GPC5: variants seen among roughly 807,000 people sequenced by gnomAD.
The protein encoded by GPC5 is glypican-5.
GPC5 carries 47 observed loss-of-function variants against 53.9 expected under a neutral mutation model. The ratio of observed to expected loss-of-function variants is 0.87; its 90% confidence interval spans 0.69 to 1.11. GPC5 has a LOEUF of 1.11. Ranked by LOEUF, GPC5 falls within the 50% of genes most tolerant of loss-of-function variation. The pLI, the probability that GPC5 is intolerant of heterozygous loss-of-function variation, is 0.00. For missense variants in GPC5, 748 were observed against 713.1 expected, an observed-to-expected ratio of 1.05 and a Z score of -0.56; for synonymous variants, 286 against 263.3, an observed-to-expected ratio of 1.09 and a Z score of -0.84.
intron 2 of GPC5, among the ~76,000 whole-genome samples, chr13:91,592,564 C>G (rs1294528432): frequency 6.6e-6 from 1 of 152,156 alleles, no homozygotes; most frequent in Non-Finnish European, 1.5e-5. Flanking sequence ...GCATCTCACC[C>G]CCTTCATGCT....
intron 7 of GPC5, among the ~76,000 whole-genome samples, chr13:92,773,997 AG>A (rs1875703860): frequency 6.6e-6 from 1 of 152,220 alleles, no homozygotes; most frequent in Non-Finnish European, 1.5e-5. Context: ...TAAAACCATC[AG>A]ATCTCATGAG....
chr13:92,227,598 G>T (rs114903585), intron 7 of GPC5, among the ~76,000 whole-genome samples: 1 of 152,186 alleles, frequency 6.6e-6, no homozygotes, highest in East Asian at 1.9e-4. Context: ...ACAGAAAAAC[G>T]AAACTTGGTA....
At chr13:92,598,929 C>T (rs753966946) in intron 7 of GPC5, among the ~76,000 whole-genome samples, 2 of 152,108 alleles carry the variant, frequency 1.3e-5, no homozygotes. Flanking sequence ...CTGTCTGAAA[C>T]AAACAAACAA....
intron 7 of GPC5, among the ~76,000 whole-genome samples, chr13:92,324,912 C>A (rs916967849): frequency 6.6e-6 from 1 of 151,644 alleles, no homozygotes; most frequent in Non-Finnish European, 1.5e-5. Flanking sequence ...TTGGCACCCC[C>A]AAAATACTTA....
chr13:91,813,755 CTAAT>C (rs949627620), intron 5 of GPC5, among the ~76,000 whole-genome samples: 3 of 151,916 alleles, frequency 2.0e-5, no homozygotes, highest in Non-Finnish European at 2.9e-5. Context: ...TGGAAATAAC[CTAAT>C]TAGTTTAGAA....
intron 7 of GPC5, among the ~76,000 whole-genome samples, chr13:92,727,261 G>T (rs1888673916): frequency 6.6e-6 from 1 of 151,384 alleles, no homozygotes; most frequent in African/African-American, 2.4e-5. Context: ...CATTTATTTT[G>T]CTGTGTAAAC....
chr13:92,777,451 G>GAGACA (rs1416479925), intron 7 of GPC5, among the ~76,000 whole-genome samples: 3 of 151,726 alleles, frequency 2.0e-5, no homozygotes, highest in African/African-American at 7.3e-5. Context: ...TGGCCATCAT[G>GAGACA]GTAAAACCCT....
chr13:92,379,690 C>A (rs2043723483), intron 7 of GPC5, among the ~76,000 whole-genome samples: 1 of 151,688 alleles, frequency 6.6e-6, no homozygotes, highest in Non-Finnish European at 1.5e-5. Context: ...CTCTGTGCCC[C>A]CTGCATATTT....
chr13:92,008,585 A>T (rs2138769323), intron 6 of GPC5, among the ~76,000 whole-genome samples: 1 of 152,192 alleles, frequency 6.6e-6, no homozygotes, highest in South Asian at 2.1e-4. Flanking sequence ...GTTTAGCTGG[A>T]TATAGAATTC....
At chr13:92,396,342 C>T (rs1875268955) in intron 7 of GPC5, among the ~76,000 whole-genome samples, 1 of 152,048 alleles carries the variant, frequency 6.6e-6, no homozygotes, top group African/African-American at 2.4e-5. Context: ...CTTAGAGTTT[C>T]CATCTCTTTT....
At chr13:91,547,132 A>G (rs1411141975) in intron 2 of GPC5, among the ~76,000 whole-genome samples, 1 of 152,100 alleles carries the variant, frequency 6.6e-6, no homozygotes, top group Non-Finnish European at 1.5e-5. Flanking sequence ...CATTTGGAAG[A>G]GAAGTAGAGA....
chr13:92,635,560 G>A (rs970777475), intron 7 of GPC5, among the ~76,000 whole-genome samples: 1 of 152,108 alleles, frequency 6.6e-6, no homozygotes, highest in Non-Finnish European at 1.5e-5. Context: ...CTGTACATAA[G>A]GCCAGAGCCC....
chr13:92,218,225 T>C (rs552286949), intron 7 of GPC5, among the ~76,000 whole-genome samples: 1 of 152,156 alleles, frequency 6.6e-6, no homozygotes, highest in Middle Eastern at 3.4e-3. Flanking sequence ...TTACCCTAAT[T>C]TATACCAAAC....
intron 7 of GPC5, among the ~76,000 whole-genome samples, chr13:92,321,963 T>C (rs1029895076): frequency 6.6e-6 from 1 of 152,304 alleles, no homozygotes; most frequent in African/African-American, 2.4e-5. Flanking sequence ...TATATTTTCA[T>C]TTCAATTTAT....
intron 7 of GPC5, among the ~76,000 whole-genome samples, chr13:92,775,742 A>G (rs1345924911): frequency 3.3e-5 from 5 of 152,276 alleles, no homozygotes; most frequent in South Asian, 4.1e-4. Context: ...GCTCATATCT[A>G]TAAGAGTTCA....
chr13:91,669,909 G>T (rs564643149), intron 2 of GPC5, among the ~76,000 whole-genome samples: 1 of 152,282 alleles, frequency 6.6e-6, no homozygotes, highest in African/African-American at 2.4e-5. Context: ...TACATTGCTT[G>T]AATATCTAAA....
intron 7 of GPC5, among the ~76,000 whole-genome samples, chr13:92,318,933 C>A (rs917167724): frequency 6.6e-6 from 1 of 152,030 alleles, no homozygotes; most frequent in African/African-American, 2.4e-5. Flanking sequence ...CAGTATCTGG[C>A]AGAGAGGATA....
rs147746758 is a variant in GPC5 at position 92,452,373 on chromosome 13, C to A, written c.1561+307384C>A. Among the ~76,000 whole-genome samples the A allele has an allele frequency of 2.2e-3, 338 of 151,872 alleles. 2 individuals are homozygous for A. Among genetic ancestry groups the A allele is most frequent in the African/African-American group, 7.6e-3 (313 of 41,442 alleles). On this transcript the variant is annotated intron_variant, in intron 7 of 7. Coordinates refer to ENST00000377067, the MANE Select transcript of GPC5 (RefSeq NM_004466.6). ...GAAAAAGTGTGGATTTACTCAACAA[C>A]AAAAATAAGAAAACTCAAGTTCTTA...
At chr13:92,560,266 T>G (rs936361900) in intron 7 of GPC5, among the ~76,000 whole-genome samples, 1 of 152,014 alleles carries the variant, frequency 6.6e-6, no homozygotes, top group African/African-American at 2.4e-5. Flanking sequence ...TGCAAATAAC[T>G]GTGATATGAG....
Sources: allele counts gnomAD v4.1 joint callset (sites outside exome capture counted in the v4.1 genomes callset), GRCh38; gene constraint gnomAD v4.1.1; transcripts MANE v1.5; gene names NCBI Gene and HGNC (gene_info 2026-07-23, HGNC 2026-07-21).